GRAMD1B: variants seen among roughly 807,000 people sequenced by gnomAD.
GRAMD1B encodes the protein protein Aster-B.
Under a neutral mutation model 99.7 loss-of-function variants are expected in GRAMD1B, and 37 were observed. The observed-to-expected ratio is 0.37, with a 90% confidence interval of 0.29 to 0.49. The LOEUF (loss-of-function observed/expected upper bound fraction) is 0.49, where lower values mean the gene tolerates loss of function less well. Ranked by LOEUF, GRAMD1B falls within the 20% of genes least tolerant of loss-of-function variation. The pLI is 0.98. For missense variants in GRAMD1B, 888 were observed against 1,009.2 expected (o/e 0.88, Z 1.63); for synonymous variants, 427 against 387.6 (o/e 1.10, Z -1.19).
chr11:123,510,494 A>T lies in GRAMD1B; in HGVS notation c.452+29601A>T, dbSNP rs1269839979. On this transcript the variant is annotated intron_variant, in intron 2 of 19. Coordinates refer to ENST00000635736, the MANE Select transcript of GRAMD1B (RefSeq NM_001387025.1). This position sits in a 1 kb window ranked among gnomAD's most constrained non-coding sequence, Gnocchi z 4.3. ...CCCCCTGCTTGCTGTGGACCTCCAG[A>T]CTCTGACCTCTTACCCAGAAACTGA... Among the ~76,000 whole-genome samples the T allele has an allele frequency of 6.6e-6, 1 of 151,922 alleles. No homozygotes were observed. The highest frequency in any genetic ancestry group is 1.5e-5 in the Non-Finnish European group (1 of 67,970).
intron 10 of GRAMD1B, among the ~76,000 whole-genome samples, chr11:123,606,230 G>A (rs964670809): frequency 3.9e-5 from 6 of 152,240 alleles, no homozygotes; most frequent in African/African-American, 1.4e-4. Flanking sequence ...GAGAGAATGA[G>A]TTTTAAAAAA....
intron 2 of GRAMD1B, among the ~76,000 whole-genome samples, chr11:123,532,916 A>G (rs1241342339): frequency 1.3e-5 from 2 of 152,200 alleles, no homozygotes; most frequent in Admixed American, 6.5e-5. Context: ...CCCTTTACTC[A>G]AAGTTTGCTG....
intron 1 of GRAMD1B, among the ~76,000 whole-genome samples, chr11:123,408,364 C>T (rs1947927138): frequency 6.6e-6 from 1 of 152,214 alleles, no homozygotes; most frequent in South Asian, 2.1e-4. Context: ...TATTTGTTTG[C>T]ATGGCTGATA....
intron 2 of GRAMD1B, among the ~76,000 whole-genome samples, chr11:123,545,287 C>T (rs369878285): frequency 9.2e-5 from 14 of 152,330 alleles, no homozygotes; most frequent in Admixed American, 2.6e-4. Context: ...ACCCTAGAAT[C>T]GCCTTAGGTG....
intron 1 of GRAMD1B, among the ~76,000 whole-genome samples, chr11:123,437,619 G>T (rs1230685148): frequency 6.6e-6 from 1 of 152,164 alleles, no homozygotes; most frequent in Non-Finnish European, 1.5e-5. Context: ...CAGGCTGGCG[G>T]CTAGAGAGTG....
chr11:123,474,047 C>A (rs1951141962), intron 1 of GRAMD1B, among the ~76,000 whole-genome samples: 1 of 152,132 alleles, frequency 6.6e-6, no homozygotes, highest in Admixed American at 6.6e-5. Flanking sequence ...GGTGGTGAGG[C>A]CCTACTTTTC....
At chr11:123,599,876 C>T (rs1951739453) in intron 7 of GRAMD1B, among the ~76,000 whole-genome samples, 1 of 152,160 alleles carries the variant, frequency 6.6e-6, no homozygotes, top group Non-Finnish European at 1.5e-5. Flanking sequence ...TGTTTATTAT[C>T]TAAGGCTTTT....
At chr11:123,374,622 T>G (rs578237625) in intron 1 of GRAMD1B, among the ~76,000 whole-genome samples, 1 of 152,340 alleles carries the variant, frequency 6.6e-6, no homozygotes, top group South Asian at 2.1e-4. Context: ...AGCCTCCTAG[T>G]GTACTTGTCT....
intron 2 of GRAMD1B, among the ~76,000 whole-genome samples, chr11:123,507,030 C>T (rs1194667800): frequency 3.9e-5 from 6 of 152,192 alleles, no homozygotes; most frequent in African/African-American, 7.2e-5. Context: ...AAAACTGAGT[C>T]GGTAGATGTT....
rs142421891 is a variant in GRAMD1B, at chr11:123,524,166, CA to C, written c.452+43275del. ...CTTGCTTATAGTACCCTACAATCCC[CA>C]AGCCCTCCTCCTCAGTGGGGATATA... is the stretch of plus-strand genomic sequence containing the variant. On this transcript the variant is annotated intron_variant, in intron 2 of 19. Coordinates refer to ENST00000635736, the MANE Select transcript of GRAMD1B (RefSeq NM_001387025.1). Among the ~76,000 whole-genome samples the C allele has an allele frequency of 2.9e-3, 434 of 152,218 alleles. 1 individual carries two copies. The highest frequency in any genetic ancestry group is 9.9e-3 in the African/African-American group (410 of 41,558).
At chr11:123,386,280 G>A (rs1947054397) in intron 1 of GRAMD1B, among the ~76,000 whole-genome samples, 2 of 152,072 alleles carry the variant, frequency 1.3e-5, no homozygotes, top group African/African-American at 4.8e-5. Flanking sequence ...GGGCTGATTT[G>A]TAGGGGTGGC....
intron 19 of GRAMD1B, 58 bp downstream of exon 19, chr11:123,619,282 T>A (rs908339416): frequency 1.9e-6 from 3 of 1,543,992 alleles, no homozygotes; most frequent in Non-Finnish European, 2.6e-6. Context: ...ACTCCTTCCC[T>A]TATGCTGTGA....
At chr11:123,564,682 C>T (rs1216266721) in intron 2 of GRAMD1B, among the ~76,000 whole-genome samples, 1 of 152,194 alleles carries the variant, frequency 6.6e-6, no homozygotes, top group South Asian at 2.1e-4. Flanking sequence ...TGGTCCTCAC[C>T]AACTGTTTGA....
chr11:123,500,641 G>A (rs566874335), intron 2 of GRAMD1B, among the ~76,000 whole-genome samples: 11 of 152,056 alleles, frequency 7.2e-5, no homozygotes, highest in Non-Finnish European at 1.2e-4. Context: ...AATAATAATG[G>A]TATTATTATT....
rs138083511 is a variant in GRAMD1B, at chr11:123,548,325, T to TACACACACAC, written c.453-29026_453-29017dup. On this transcript the variant is annotated intron_variant, in intron 2 of 19. Transcript: ENST00000635736. ...ATATATATATATATATATATATATA[T>TACACACACAC]ACACACACACACACACACACACACA... 7.4e-4 allele frequency among the ~76,000 whole-genome samples: 64 copies of TACACACACAC among 86,878 alleles called. 1 individual carries two copies. The highest frequency in any genetic ancestry group is 1.1e-3 in the Non-Finnish European group (52 of 47,620). 57.0% of individuals were successfully genotyped at this position (86,878 alleles called of 152,430 possible).
At chr11:123,415,615 A>T (rs1174112559) in intron 1 of GRAMD1B, among the ~76,000 whole-genome samples, 2 of 151,930 alleles carry the variant, frequency 1.3e-5, no homozygotes, top group African/African-American at 2.4e-5. Context: ...TCTGGGTAGC[A>T]TGCAATTCTC....
intron 2 of GRAMD1B, among the ~76,000 whole-genome samples, chr11:123,542,893 A>T (rs1015702762): frequency 1.3e-5 from 2 of 152,036 alleles, no homozygotes; most frequent in African/African-American, 4.8e-5. Flanking sequence ...ACCTCAGGTG[A>T]TCCACTCGCC....
chr11:123,591,271 G>GA lies in GRAMD1B; in HGVS notation c.685-2808dup. Reference sequence around the variant, plus strand: ...CAGAGTCACACAGGCCCTCTGCTGAGAAACCAGAGGCCACCCATCCACAGT... The same window carrying GA: ...CAGAGTCACACAGGCCCTCTGCTGAGAAAACCAGAGGCCACCCATCCACAGT... On this transcript the variant is annotated intron_variant, in intron 4 of 19. Transcript: ENST00000635736. The surrounding 1 kb of genome is among the most constrained non-coding windows in gnomAD (Gnocchi z 4.7). The GA allele has an allele frequency of 7.6e-6, 3 of 397,104 alleles. No homozygotes were observed. Among genetic ancestry groups the GA allele is most frequent in the Non-Finnish European group, 1.3e-5 (3 of 225,410 alleles). The allele number at this position is 397,104 out of a possible 1,614,324, so 24.6% of individuals were successfully genotyped here.
intron 2 of GRAMD1B, among the ~76,000 whole-genome samples, chr11:123,515,563 G>A (rs1941591878): frequency 6.6e-6 from 1 of 152,110 alleles, no homozygotes. Context: ...TTAGAACGGA[G>A]AGCCTTCTTC....
Sources: gnomAD v4.1 joint callset for allele counts (sites outside exome capture counted in the v4.1 genomes callset) on GRCh38, gnomAD v4.1.1 for gene constraint, Gnocchi (gnomAD v3.1) non-coding constraint, MANE v1.5 for transcripts, NCBI Gene and HGNC (gene_info 2026-07-23, HGNC 2026-07-21) for gene names.